TBL1XR1: variants seen among roughly 807,000 people sequenced by gnomAD.
TBL1XR1 encodes the protein TBL1X/Y related 1.
In TBL1XR1, 5 loss-of-function variants were observed where a neutral mutation model predicts 66.9. The observed-to-expected ratio is 0.07, with a 90% CI of 0.04 to 0.16. The LOEUF is 0.16. Among genes scored for constraint, TBL1XR1 ranks in the 10% least tolerant of loss-of-function variants. The pLI is 1.00. For synonymous variants in TBL1XR1, 210 were observed against 206.0 expected (o/e 1.02, Z -0.17); for missense variants, 238 against 623.2 (o/e 0.38, Z 6.58).
intron 2 of TBL1XR1, among the ~76,000 whole-genome samples, chr3:177,070,152 T>C (rs1206065921): frequency 7.4e-6 from 1 of 135,048 alleles, no homozygotes; most frequent in Non-Finnish European, 1.6e-5. Flanking sequence ...CTAGCATCCA[T>C]TATATGATGA....
chr3:177,154,224 A>G (rs975222879), intron 1 of TBL1XR1, among the ~76,000 whole-genome samples: 2 of 152,180 alleles, frequency 1.3e-5, no homozygotes, highest in Non-Finnish European at 2.9e-5. Flanking sequence ...AGCATAAGGA[A>G]GCTCTAAGTA....
intron 1 of TBL1XR1, among the ~76,000 whole-genome samples, chr3:177,191,945 T>G (rs1319991747): frequency 6.7e-6 from 1 of 149,826 alleles, no homozygotes; most frequent in Non-Finnish European, 1.5e-5. Context: ...ATACAAGAAA[T>G]TAGCCAGGCA....
chr3:177,134,971 G>GTGTGTGTGTGTGTGTGTGTGTC (rs1283330297), intron 1 of TBL1XR1, among the ~76,000 whole-genome samples: 1,726 of 146,004 alleles, frequency 0.012, 25 homozygotes, highest in East Asian at 0.07. Flanking sequence ...GTGTGTCTGT[G>GTGTGTGTGTGTGTGTGTGTGTC]TGTGTGTCTG....
chr3:177,133,529 TA>T (rs1728550880), intron 1 of TBL1XR1, among the ~76,000 whole-genome samples: 1 of 152,164 alleles, frequency 6.6e-6, no homozygotes, highest in East Asian at 1.9e-4. Flanking sequence ...TGGACTATAA[TA>T]ATACACTCAT....
chr3:177,080,060 C>CAGT (rs766919906), intron 2 of TBL1XR1: 10 of 152,112 alleles, frequency 6.6e-5, no homozygotes, highest in Middle Eastern at 3.2e-3. Context: ...TTTCTGTTAA[C>CAGT]AGTAAGGTTT....
intron 1 of TBL1XR1, among the ~76,000 whole-genome samples, chr3:177,111,225 C>A (rs981952944): frequency 5.3e-5 from 8 of 151,916 alleles, no homozygotes; most frequent in African/African-American, 1.9e-4. Context: ...CAAAAGTTAC[C>A]CTGGGTTAGA....
chr3:177,107,358 A>G (rs1725008611), intron 1 of TBL1XR1, among the ~76,000 whole-genome samples: 1 of 152,204 alleles, frequency 6.6e-6, no homozygotes, highest in Non-Finnish European at 1.5e-5. Flanking sequence ...TTAATTTCAT[A>G]TTTTGAAAGT....
intron 1 of TBL1XR1, among the ~76,000 whole-genome samples, chr3:177,152,027 T>A (rs969924842): frequency 2.6e-5 from 4 of 152,062 alleles, no homozygotes; most frequent in Admixed American, 2.0e-4. Flanking sequence ...ACTGTACTCT[T>A]TTGTCCTAAA....
intron 12 of TBL1XR1, among the ~76,000 whole-genome samples, chr3:177,034,956 A>T (rs2108418097): frequency 6.6e-6 from 1 of 151,446 alleles, no homozygotes; most frequent in Admixed American, 6.6e-5. Flanking sequence ...AAAAAAAATC[A>T]CTCAATAAAG....
chr3:177,146,286 T>C (rs577952248), intron 1 of TBL1XR1, among the ~76,000 whole-genome samples: 37 of 152,062 alleles, frequency 2.4e-4, no homozygotes, highest in African/African-American at 8.7e-4. Context: ...TTTCATATGA[T>C]ATGCTTTGTT....
intron 1 of TBL1XR1, chr3:177,110,672 T>C (rs888550518): frequency 6.6e-5 from 10 of 152,210 alleles, no homozygotes; most frequent in African/African-American, 2.4e-5. Context: ...CTGTGACTTA[T>C]GCCTACTATT....
chr3:177,136,986 C>G (rs150001812), intron 1 of TBL1XR1, among the ~76,000 whole-genome samples: 2 of 152,182 alleles, frequency 1.3e-5, no homozygotes, highest in Non-Finnish European at 2.9e-5. Context: ...CTCACTCACA[C>G]GTATAACCTT....
At chr3:177,038,006 T>C (rs1051858410) in intron 12 of TBL1XR1, 92 bp downstream of exon 12, 5 of 1,107,696 alleles carry the variant, frequency 4.5e-6, no homozygotes, top group South Asian at 1.4e-5. Context: ...AAACACTCCA[T>C]GTAAGACAGA....
chr3:177,117,747 T>TAAAA (rs1217270797), intron 1 of TBL1XR1, among the ~76,000 whole-genome samples: 1 of 152,202 alleles, frequency 6.6e-6, no homozygotes, highest in Non-Finnish European at 1.5e-5. Flanking sequence ...AAATCTTACT[T>TAAAA]AGAGCTTTAA....
chr3:177,161,828 A>G (rs1732251795), intron 1 of TBL1XR1, among the ~76,000 whole-genome samples: 1 of 152,094 alleles, frequency 6.6e-6, no homozygotes, highest in Non-Finnish European at 1.5e-5. Flanking sequence ...GTTAAGAATC[A>G]TATATCAACA....
chr3:177,109,524 A>C (rs1329048581), intron 1 of TBL1XR1, among the ~76,000 whole-genome samples: 1 of 152,154 alleles, frequency 6.6e-6, no homozygotes, highest in Non-Finnish European at 1.5e-5. Context: ...AGAAGGAAGA[A>C]AAAACAAATT....
chr3:177,067,562 C>G (rs1021906622), intron 2 of TBL1XR1, among the ~76,000 whole-genome samples: 2 of 152,054 alleles, frequency 1.3e-5, no homozygotes, highest in Non-Finnish European at 2.9e-5. Flanking sequence ...TTAAAAATTC[C>G]TGCAATAAAT....
chr3:177,064,828 G>C (rs541387729), intron 3 of TBL1XR1, 92 bp downstream of exon 3: 16 of 881,656 alleles, frequency 1.8e-5, no homozygotes, highest in Admixed American at 1.6e-4. Flanking sequence ...AAAGTTCAAC[G>C]GTTTGGACTG....
chr3:177,076,650 G>A (rs1256060404), intron 2 of TBL1XR1, among the ~76,000 whole-genome samples: 2 of 152,032 alleles, frequency 1.3e-5, no homozygotes, highest in Non-Finnish European at 2.9e-5. Flanking sequence ...ACAGACAAGG[G>A]TAACAAAAGC....
Sources: gnomAD v4.1 joint callset for allele counts (sites outside exome capture counted in the v4.1 genomes callset) on GRCh38, gnomAD v4.1.1 for gene constraint, MANE v1.5 for transcripts, NCBI Gene and HGNC (gene_info 2026-07-23, HGNC 2026-07-21) for gene names.